Variants in SPEF2 observed in about 807,000 individuals in gnomAD.
SPEF2 encodes sperm flagella and cilia-associated protein 2.
SPEF2 carries 187 observed loss-of-function variants against 224.6 expected under a neutral mutation model. The ratio of observed to expected loss-of-function variants is 0.83; its 90% CI spans 0.74 to 0.94. The LOEUF (loss-of-function observed/expected upper bound fraction) is 0.94. Ranked by LOEUF, SPEF2 falls within the 40% of genes least tolerant of loss-of-function variation. The pLI is 0.00. For missense variants in SPEF2, 2,170 were observed against 2,135.6 expected (o/e 1.02, Z -0.32); for synonymous variants, 715 against 707.3 (o/e 1.01, Z -0.17).
At chr5:35,792,199 G>T (rs904133679) in intron 30 of SPEF2, 141 bp from the exon 31 acceptor site, 29 of 498,818 alleles carry the variant, frequency 5.8e-5, no homozygotes, top group Admixed American at 4.7e-4. Context: ...TTTCCAAAAT[G>T]TCTTCTGTTT....
At chr5:35,654,092 C>A (rs1748610131) in intron 6 of SPEF2, among the ~76,000 whole-genome samples, 1 of 151,438 alleles carries the variant, frequency 6.6e-6, no homozygotes. Context: ...GAAACCCTGT[C>A]TCTACTAAAA....
intron 16 of SPEF2, among the ~76,000 whole-genome samples, chr5:35,704,178 A>G (rs1739271718): frequency 6.6e-6 from 1 of 152,150 alleles, no homozygotes; most frequent in East Asian, 1.9e-4. Context: ...ATTTGTATGC[A>G]TATTTGACGT....
intron 21 of SPEF2, among the ~76,000 whole-genome samples, chr5:35,728,798 T>C (rs1001685346): frequency 7.9e-5 from 12 of 152,072 alleles, no homozygotes; most frequent in Non-Finnish European, 1.6e-4. Context: ...ATTGAGAGCA[T>C]TAAGTGATAT....
intron 27 of SPEF2, among the ~76,000 whole-genome samples, chr5:35,772,831 C>A (rs993777864): frequency 2.6e-5 from 4 of 152,186 alleles, no homozygotes; most frequent in Admixed American, 2.6e-4. Context: ...CTGTAACTTA[C>A]ATATACATCT....
rs73078295 is a variant in SPEF2, at chr5:35,640,824, T to C, written c.162-607T>C. On this transcript the variant is annotated intron_variant, in intron 2 of 36. Transcript: ENST00000356031. ...CAGAACATGAATTCAAGATATTGCA[T>C]CACTATTTTTGTTGACATTGGCCAT... is the stretch of plus-strand genomic sequence containing the variant. 7.0e-3 allele frequency among the ~76,000 whole-genome samples: 1,065 copies of C among 152,268 alleles called. 16 individuals are homozygous for C. The highest frequency in any genetic ancestry group is 0.025 in the African/African-American group (1,031 of 41,572).
chr5:35,774,278 A>G (rs1227044531), intron 28 of SPEF2, among the ~76,000 whole-genome samples: 3 of 152,206 alleles, frequency 2.0e-5, no homozygotes, highest in Non-Finnish European at 4.4e-5. Flanking sequence ...AACCAAAAAG[A>G]ATTTGGTAAT....
chr5:35,744,628 T>C (rs1748185357), intron 23 of SPEF2, among the ~76,000 whole-genome samples: 1 of 152,178 alleles, frequency 6.6e-6, no homozygotes, highest in African/African-American at 2.4e-5. Flanking sequence ...CTCTGCTGTG[T>C]CCTCTCCTTT....
intron 10 of SPEF2, among the ~76,000 whole-genome samples, chr5:35,688,142 C>T (rs535396674): frequency 1.3e-5 from 2 of 152,310 alleles, no homozygotes; most frequent in Admixed American, 1.3e-4. Flanking sequence ...ACTGCCACCA[C>T]CACCCCAGAG....
rs1229060564 is a variant in SPEF2 at position 35,751,025 on chromosome 5, G to GTATA, written c.3331-2592_3331-2589dup. The stretch of plus-strand genomic sequence containing the variant: ...TATATATATATACGTATATATATAC[G>GTATA]TATATATATACACATATGTATATAT... On this transcript the variant is annotated intron_variant, in intron 23 of 36. Coordinates refer to ENST00000356031, the MANE Select transcript of SPEF2 (RefSeq NM_024867.4). 3.2e-3 allele frequency among the ~76,000 whole-genome samples: 222 copies of GTATA among 68,712 alleles called. 5 individuals are homozygous for GTATA. The highest frequency in any genetic ancestry group is 5.0e-3 in the Non-Finnish European group (177 of 35,090). 45.1% of individuals were successfully genotyped at this position (68,712 alleles called of 152,430 possible).
intron 6 of SPEF2, among the ~76,000 whole-genome samples, chr5:35,653,946 C>CAAAAAAAAAAA (rs67527515): frequency 2.3e-5 from 2 of 87,988 alleles, no homozygotes; most frequent in African/African-American, 4.6e-5. Flanking sequence ...GACTCTGTCT[C>CAAAAAAAAAAA]AAAAAAAAAA....
At chr5:35,808,526 T>C (rs1758331327) in intron 36 of SPEF2, among the ~76,000 whole-genome samples, 1 of 152,034 alleles carries the variant, frequency 6.6e-6, no homozygotes, top group African/African-American at 2.4e-5. Context: ...TGCGATAGTT[T>C]GCTGAGAATG....
At chr5:35,715,354 A>T (rs1580418188) in intron 20 of SPEF2, among the ~76,000 whole-genome samples, 2 of 152,078 alleles carry the variant, frequency 1.3e-5, no homozygotes, top group Non-Finnish European at 2.9e-5. Flanking sequence ...TTTAATGTCC[A>T]TTGAAATGAA....
intron 34 of SPEF2, among the ~76,000 whole-genome samples, chr5:35,803,481 A>G (rs1190175197): frequency 6.6e-6 from 1 of 152,206 alleles, no homozygotes; most frequent in Non-Finnish European, 1.5e-5. Flanking sequence ...ACTGCGCTGC[A>G]GAGATTAAGC....
At chr5:35,737,520 A>G (rs1235768731) in intron 21 of SPEF2, among the ~76,000 whole-genome samples, 1 of 152,086 alleles carries the variant, frequency 6.6e-6, no homozygotes, top group African/African-American at 2.4e-5. Flanking sequence ...AGCTTCATCC[A>G]TATCCCTACA....
chr5:35,688,246 T>G (rs893505425), intron 10 of SPEF2, among the ~76,000 whole-genome samples: 6 of 95,404 alleles, frequency 6.3e-5, no homozygotes, highest in African/African-American at 4.4e-4. Context: ...TGCTGCTTCT[T>G]TCTTTTTCTT....
chr5:35,746,626 A>G (rs921141829), intron 23 of SPEF2, among the ~76,000 whole-genome samples: 1 of 152,150 alleles, frequency 6.6e-6, no homozygotes, highest in Non-Finnish European at 1.5e-5. Flanking sequence ...AGACAATGAA[A>G]AAAGAAAAAG....
intron 5 of SPEF2, among the ~76,000 whole-genome samples, chr5:35,648,945 T>G (rs1447868777): frequency 3.5e-5 from 5 of 143,996 alleles, no homozygotes; most frequent in Non-Finnish European, 7.5e-5. Context: ...ACCCGGGAGG[T>G]GGAGGATGCC....
chr5:35,716,918 A>G (rs911141540), intron 20 of SPEF2, among the ~76,000 whole-genome samples: 1 of 151,984 alleles, frequency 6.6e-6, no homozygotes, highest in Non-Finnish European at 1.5e-5. Flanking sequence ...TCTTCTCTGC[A>G]TATTAGATCA....
intron 10 of SPEF2, among the ~76,000 whole-genome samples, chr5:35,689,442 T>A (rs1385863433): frequency 6.6e-6 from 1 of 152,196 alleles, no homozygotes; most frequent in Non-Finnish European, 1.5e-5. Context: ...GGGGTATGAC[T>A]GAACCTGTCC....
Sources: allele counts gnomAD v4.1 joint callset (sites outside exome capture counted in the v4.1 genomes callset), GRCh38; gene constraint gnomAD v4.1.1; transcripts MANE v1.5; gene names NCBI Gene and HGNC (gene_info 2026-07-23, HGNC 2026-07-21).